Variants in RNF11 observed in about 807,000 individuals in gnomAD.
The protein encoded by RNF11 is ring finger protein 11.
In RNF11, 4 loss-of-function variants were observed where a neutral mutation model predicts 15.8. The observed-to-expected ratio is 0.25, with a 90% CI of 0.12 to 0.58. RNF11 has a LOEUF of 0.58. Among genes scored for constraint, RNF11 ranks in the 20% least tolerant of loss-of-function variants. The pLI is 0.91. For missense variants in RNF11, 139 were observed against 194.4 expected, an observed-to-expected ratio of 0.71 and a Z score of 1.70; for synonymous variants, 68 against 72.3, an observed-to-expected ratio of 0.94 and a Z score of 0.30.
rs1179404881 is a variant in RNF11 at position 51,272,718 on chromosome 1, C to T, written c.*1396C>T. 2 of 152,032 alleles carry T rather than the reference C, an allele frequency of 1.3e-5. No individual in the cohort carries two copies. Among genetic ancestry groups the T allele is most frequent in the African/African-American group, 2.4e-5 (1 of 41,390 alleles). The allele number at this position is 152,032 out of a possible 1,614,324, so 9.4% of individuals were successfully genotyped here. On this transcript the variant is annotated 3_prime_UTR_variant, in exon 3 of 3. Coordinates refer to ENST00000242719, the MANE Select transcript of RNF11 (RefSeq NM_014372.5). ...TTGGTTCACCTCAGTGATATTACAG[C>T]TAAAAAAATCATTCATTAGCAAAAG...
At chr1:51,241,705 C>A (rs938666096) in intron 1 of RNF11, among the ~76,000 whole-genome samples, 7 of 152,118 alleles carry the variant, frequency 4.6e-5, no homozygotes, top group African/African-American at 1.7e-4. Flanking sequence ...CTACCCAACT[C>A]CCTTATTCCT....
intron 1 of RNF11, among the ~76,000 whole-genome samples, chr1:51,239,079 T>G (rs1289754041): frequency 6.6e-6 from 1 of 152,098 alleles, no homozygotes; most frequent in Non-Finnish European, 1.5e-5. Flanking sequence ...CACCCCCTTC[T>G]ATTTTTAAAA....
chr1:51,264,317 T>TATATATATATATAC (rs376694497), intron 1 of RNF11, among the ~76,000 whole-genome samples: 19 of 75,506 alleles, frequency 2.5e-4, no homozygotes, highest in Admixed American at 3.2e-4. Flanking sequence ...TATATATATA[T>TATATATATATATAC]ACACACACAC....
chr1:51,248,022 AAAG>A (rs1019739771), intron 1 of RNF11, among the ~76,000 whole-genome samples: 11 of 152,110 alleles, frequency 7.2e-5, no homozygotes, highest in Admixed American at 6.5e-5. Context: ...TGTGGAAGAA[AAAG>A]AAGCAGTTTA....
chr1:51,252,517 A>C (rs1483784133), intron 1 of RNF11, among the ~76,000 whole-genome samples: 1 of 152,088 alleles, frequency 6.6e-6, no homozygotes, highest in African/African-American at 2.4e-5. Context: ...TGAGAGGCTG[A>C]AGCAGGAAAA....
At chr1:51,246,976 T>C (rs147412424) in intron 1 of RNF11, among the ~76,000 whole-genome samples, 2,388 of 139,734 alleles carry the variant, frequency 0.017, 41 homozygotes, top group Non-Finnish European at 0.024. Flanking sequence ...AGACCTTATC[T>C]CTTAAAAAAA....
chr1:51,264,355 A>G (rs1646946124), intron 1 of RNF11, among the ~76,000 whole-genome samples: 1 of 144,126 alleles, frequency 6.9e-6, no homozygotes, highest in Admixed American at 7.0e-5. Flanking sequence ...TCAGGAAGAT[A>G]GATGTGATGC....
At position 51,250,984 on chromosome 1, in the gene RNF11, G is replaced by A. The variant is rs1047678036; in HGVS notation, c.123+14105G>A. The A allele has an allele frequency of 1.7e-5, 24 of 1,377,776 alleles. No individual in the cohort carries two copies. In the East Asian group the frequency reaches 2.6e-4, roughly 15 times the overall value. 85.3% of individuals were successfully genotyped at this position (1,377,776 alleles called of 1,614,324 possible). A position where few individuals can be genotyped will look rare whatever the true frequency, so the allele number is the denominator to read the frequency against. ...ATCTTGTTCCCCCAGTAGCCTCTGC[G>A]CACGGGGACAATGGAGAGCTTGGCC... On this transcript the variant is annotated intron_variant, in intron 1 of 2. Transcript: ENST00000242719.
intron 1 of RNF11, 108 bp from the exon 2 acceptor site, chr1:51,269,848 C>A: frequency 1.2e-6 from 1 of 868,478 alleles, no homozygotes; most frequent in Non-Finnish European, 1.8e-6. Flanking sequence ...ACTAGCCCAG[C>A]TTCCTACCCC....
At chr1:51,260,071 T>G (rs1026687026) in intron 1 of RNF11, among the ~76,000 whole-genome samples, 1 of 152,226 alleles carries the variant, frequency 6.6e-6, no homozygotes, top group African/African-American at 2.4e-5. Context: ...TAAGTTTAGT[T>G]AATTGGCTGA....
At chr1:51,240,350 T>C (rs1646822907) in intron 1 of RNF11, among the ~76,000 whole-genome samples, 1 of 152,166 alleles carries the variant, frequency 6.6e-6, no homozygotes, top group South Asian at 2.1e-4. Flanking sequence ...CCTTACCTCC[T>C]TCAAGTCTTT....
intron 1 of RNF11, among the ~76,000 whole-genome samples, chr1:51,250,248 C>T (rs1646870497): frequency 6.6e-6 from 1 of 152,168 alleles, no homozygotes; most frequent in African/African-American, 2.4e-5. Flanking sequence ...TTACCACAGA[C>T]AAGCTAATTT....
At chr1:51,248,835 T>C (rs891470517) in intron 1 of RNF11, among the ~76,000 whole-genome samples, 1 of 152,180 alleles carries the variant, frequency 6.6e-6, no homozygotes, top group African/African-American at 2.4e-5. Flanking sequence ...GTCAAAAAGA[T>C]AGCCTTCTGT....
In RNF11 at chr1:51,265,681, A is replaced by G. The variant is rs141509705; in HGVS notation, c.124-4275A>G. ...GGAAATGGTAGTTAGGTAAGACTGT[A>G]TAAGACATTTAAGTAGATGATAGTG... On this transcript the variant is annotated intron_variant, in intron 1 of 2. Transcript: ENST00000242719. Among the ~76,000 whole-genome samples, 110 of 152,352 alleles carry G rather than the reference A, an allele frequency of 7.2e-4. 1 individual carries two copies. In the East Asian group the frequency reaches 0.018, roughly 25 times the overall value.
chr1:51,248,967 A>G (rs1268621551), intron 1 of RNF11, among the ~76,000 whole-genome samples: 1 of 152,208 alleles, frequency 6.6e-6, no homozygotes, highest in Non-Finnish European at 1.5e-5. Flanking sequence ...CTATTACATA[A>G]CATTGTATTA....
chr1:51,239,692 G>A (rs1012311204), intron 1 of RNF11, among the ~76,000 whole-genome samples: 1 of 152,116 alleles, frequency 6.6e-6, no homozygotes, highest in African/African-American at 2.4e-5. Context: ...TGGGATTACA[G>A]GCGTTAGCTA....
Position 51,273,132 on chromosome 1 carries a change from A to G in RNF11, c.*1810A>G, listed in dbSNP as rs1432673502. On this transcript the variant is annotated 3_prime_UTR_variant, in exon 3 of 3. Transcript: ENST00000242719. ...AACTGAAGTTGTGCAATATTTTCTGATAATTGCTTTTTTTATTCTTGTGTT... is the reference window on the plus strand; with the variant it reads ...AACTGAAGTTGTGCAATATTTTCTGGTAATTGCTTTTTTTATTCTTGTGTT... 1 of 152,206 alleles carries G rather than the reference A, an allele frequency of 6.6e-6. No homozygotes were observed. Among genetic ancestry groups the G allele is most frequent in the Non-Finnish European group, 1.5e-5 (1 of 68,018 alleles). The allele number at this position is 152,206 out of a possible 1,614,324, so 9.4% of individuals were successfully genotyped here.
intron 1 of RNF11, among the ~76,000 whole-genome samples, chr1:51,246,312 A>G (rs72896472): frequency 0.016 from 2,451 of 152,192 alleles, 64 homozygotes; most frequent in African/African-American, 0.057. Context: ...GCAGTGGCTC[A>G]TACCTGTACA....
intron 1 of RNF11, among the ~76,000 whole-genome samples, chr1:51,246,368 A>C (rs368142477): frequency 6.6e-6 from 1 of 152,130 alleles, no homozygotes; most frequent in Non-Finnish European, 1.5e-5. Flanking sequence ...TGAGCCCAGG[A>C]GTTCGAAACC....
Sources: gnomAD v4.1 joint callset for allele counts (sites outside exome capture counted in the v4.1 genomes callset) on GRCh38, gnomAD v4.1.1 for gene constraint, MANE v1.5 for transcripts, NCBI Gene and HGNC (gene_info 2026-07-23, HGNC 2026-07-21) for gene names.